DPF3: variants seen among roughly 807,000 people sequenced by gnomAD.
The protein encoded by DPF3 is double PHD fingers 3.
In DPF3, 18 loss-of-function variants were observed where a neutral mutation model predicts 56.8. The observed-to-expected ratio is 0.32, with a 90% confidence interval of 0.22 to 0.47. DPF3 has a LOEUF of 0.47. Among genes scored for constraint, DPF3 ranks in the 20% least tolerant of loss-of-function variants. The probability of loss-of-function intolerance (pLI) is 1.00; values close to 1 mark genes in which losing one functional copy is unlikely to be tolerated. For synonymous variants in DPF3, 188 were observed against 180.2 expected, an observed-to-expected ratio of 1.04 and a Z score of -0.35; for missense variants, 403 against 488.8, an observed-to-expected ratio of 0.82 and a Z score of 1.65.
chr14:72,866,447 C>A (rs1412052070), intron 1 of DPF3, among the ~76,000 whole-genome samples: 2 of 150,842 alleles, frequency 1.3e-5, no homozygotes, highest in East Asian at 3.9e-4. Context: ...CTGCTCCTTT[C>A]TGAACCCAAG....
chr14:72,766,742 G>A (rs1319510655), intron 2 of DPF3, among the ~76,000 whole-genome samples: 1 of 152,242 alleles, frequency 6.6e-6, no homozygotes, highest in African/African-American at 2.4e-5. Flanking sequence ...ATGAGCCTGT[G>A]TCCAGCCCGA....
rs560009954 is a variant in DPF3 at position 72,753,025 on chromosome 14, C to T, written c.301+239G>A. 2.0e-5 allele frequency among the ~76,000 whole-genome samples: 3 copies of T among 152,244 alleles called. No homozygotes were observed. The South Asian group carries it at 6.2e-4, about 32-fold the overall frequency. On this transcript the variant is annotated intron_variant, in intron 3 of 10. Transcript: ENST00000556509. The stretch of plus-strand genomic sequence containing the variant: ...GCTGGGGTGCAGCCTTTCTTTCCTC[C>T]CTGGGGTGGCAAAGGGAAGGCATGA...
At chr14:72,680,367 C>T (rs985322197) in intron 7 of DPF3, among the ~76,000 whole-genome samples, 10 of 152,222 alleles carry the variant, frequency 6.6e-5, no homozygotes, top group African/African-American at 1.2e-4. Flanking sequence ...ACTCAGGTCC[C>T]GCCCCAGGGC....
chr14:72,790,320 G>A (rs1219834203), intron 1 of DPF3, among the ~76,000 whole-genome samples: 1 of 152,116 alleles, frequency 6.6e-6, no homozygotes, highest in Non-Finnish European at 1.5e-5. Flanking sequence ...GAGAAAGACT[G>A]GTCTAATTTG....
At chr14:72,756,950 G>GGAGAGGGAAAGAGGGGGA (rs1163584213) in intron 2 of DPF3, among the ~76,000 whole-genome samples, 17 of 133,140 alleles carry the variant, frequency 1.3e-4, no homozygotes, top group African/African-American at 3.3e-4. Flanking sequence ...GAAGAGAAAG[G>GGAGAGGGAAAGAGGGGGA]GAGAGGGAAA....
chr14:72,690,223 G>T (rs746677996), intron 7 of DPF3, among the ~76,000 whole-genome samples: 51 of 152,286 alleles, frequency 3.3e-4, no homozygotes, highest in Non-Finnish European at 6.5e-4. Context: ...TCTTTCCCAA[G>T]CAAGGCTGTG....
intron 7 of DPF3, among the ~76,000 whole-genome samples, chr14:72,688,015 C>A (rs1413188692): frequency 1.3e-5 from 2 of 151,818 alleles, no homozygotes; most frequent in African/African-American, 4.8e-5. Context: ...ATTGCACACT[C>A]CCACTCAAGA....
intron 2 of DPF3, among the ~76,000 whole-genome samples, chr14:72,767,943 A>T (rs1383218210): frequency 1.3e-5 from 2 of 152,160 alleles, no homozygotes; most frequent in East Asian, 3.9e-4. Context: ...GGAAAAAAGC[A>T]TTTAAATGAC....
intron 1 of DPF3, among the ~76,000 whole-genome samples, chr14:72,831,947 G>A (rs1262550483): frequency 1.3e-5 from 2 of 152,210 alleles, no homozygotes; most frequent in Admixed American, 6.5e-5. Context: ...GCTAGGTGTG[G>A]TGGCTCATGC....
At chr14:72,669,876 GGAAAAA>G in intron 8 of DPF3, 1 of 985,322 alleles carries the variant, frequency 1.0e-6, no homozygotes, top group Non-Finnish European at 1.2e-6. Flanking sequence ...GGGGGAAAAA[GGAAAAA>G]GAAAAAGAAA....
chr14:72,618,672 T>C lies in DPF3; in HGVS notation c.*625A>G, dbSNP rs966277867. On this transcript the variant is annotated 3_prime_UTR_variant, in exon 11 of 11. Coordinates refer to ENST00000556509, the MANE Select transcript of DPF3 (RefSeq NM_001280542.3). ...CCTCCCCGCCCCCATCTAGTAACTT[T>C]AAGCAGTGGCTCAAGACCAGGCTGG... Among the ~76,000 whole-genome samples the C allele has an allele frequency of 1.3e-5, 2 of 152,126 alleles. No individual in the cohort carries two copies. Among genetic ancestry groups the C allele is most frequent in the African/African-American group, 4.8e-5 (2 of 41,430 alleles).
chr14:72,890,977 T>A (rs1259536162), intron 1 of DPF3, among the ~76,000 whole-genome samples: 1 of 150,110 alleles, frequency 6.7e-6, no homozygotes, highest in Non-Finnish European at 1.5e-5. Context: ...AGAAAGGGAG[T>A]TGAGGGGAGA....
At chr14:72,750,985 G>A (rs897128265) in intron 3 of DPF3, among the ~76,000 whole-genome samples, 7 of 152,220 alleles carry the variant, frequency 4.6e-5, no homozygotes, top group African/African-American at 1.7e-4. Flanking sequence ...GAAGCCAGGA[G>A]TTTAAGACTA....
intron 9 of DPF3, among the ~76,000 whole-genome samples, chr14:72,620,328 G>A (rs547730448): frequency 1.4e-3 from 210 of 152,244 alleles, no homozygotes; most frequent in African/African-American, 4.7e-3. Flanking sequence ...GCTTCCAAAG[G>A]GCAGAAAATG....
At chr14:72,667,089 G>T (rs901658144) in intron 8 of DPF3, among the ~76,000 whole-genome samples, 1 of 152,134 alleles carries the variant, frequency 6.6e-6, no homozygotes, top group African/African-American at 2.4e-5. Context: ...TGCAGAGTAA[G>T]CAGGAACCCT....
At chr14:72,798,511 G>A (rs1892731195) in intron 1 of DPF3, among the ~76,000 whole-genome samples, 1 of 152,190 alleles carries the variant, frequency 6.6e-6, no homozygotes, top group African/African-American at 2.4e-5. Context: ...AATCCAAAGA[G>A]AGCTGGTATT....
intron 1 of DPF3, among the ~76,000 whole-genome samples, chr14:72,870,337 C>A (rs1885847241): frequency 6.6e-6 from 1 of 152,204 alleles, no homozygotes; most frequent in African/African-American, 2.4e-5. Flanking sequence ...GTGGAAAGGG[C>A]AGAGCTCATC....
chr14:72,639,321 T>G (rs968166313), intron 8 of DPF3, among the ~76,000 whole-genome samples: 10 of 152,302 alleles, frequency 6.6e-5, no homozygotes, highest in Non-Finnish European at 1.2e-4. Flanking sequence ...TTGGTAGGTG[T>G]GCTAGGCAGT....
intron 1 of DPF3, among the ~76,000 whole-genome samples, chr14:72,840,880 C>T (rs1476323111): frequency 1.3e-5 from 2 of 152,190 alleles, no homozygotes; most frequent in Admixed American, 1.3e-4. Context: ...TGATGAACTC[C>T]TGATTCAGCC....
Sources: gnomAD v4.1 joint callset for allele counts (sites outside exome capture counted in the v4.1 genomes callset) on GRCh38, gnomAD v4.1.1 for gene constraint, MANE v1.5 for transcripts, NCBI Gene and HGNC (gene_info 2026-07-23, HGNC 2026-07-21) for gene names.